The following PTGFR variants were observed in gnomAD, a reference collection of about 807,000 sequenced individuals.
The protein encoded by PTGFR is prostaglandin F2-alpha receptor.
A neutral mutation model predicts 26.2 loss-of-function variants in PTGFR; 15 were observed. The observed-to-expected ratio is 0.57, with a 90% confidence interval of 0.38 to 0.88. The LOEUF (loss-of-function observed/expected upper bound fraction) is 0.88. Among genes scored for constraint, PTGFR ranks in the 40% least tolerant of loss-of-function variants. The pLI, the probability that PTGFR is intolerant of heterozygous loss-of-function variation, is 0.00. For missense variants in PTGFR, 369 were observed against 427.2 expected (o/e 0.86, Z 1.20); for synonymous variants, 165 against 151.1 (o/e 1.09, Z -0.68).
intron 1 of PTGFR, among the ~76,000 whole-genome samples, chr1:78,492,159 A>G (rs1649417739): frequency 6.6e-6 from 1 of 152,232 alleles, no homozygotes; most frequent in African/African-American, 2.4e-5. Flanking sequence ...TGCATTTAAC[A>G]TCAATGAACT....
chr1:78,536,883 C>A lies in PTGFR; in HGVS notation c.*196C>A. On this transcript the variant is annotated 3_prime_UTR_variant, in exon 3 of 3. Coordinates refer to ENST00000370757, the MANE Select transcript of PTGFR (RefSeq NM_000959.4). ...ACTGTACATTTTTCACTTGTTTTTG[C>A]CAATGGGAGGTAGACACAATAAAAT... 1 of 619,704 alleles carries A rather than the reference C, an allele frequency of 1.6e-6. No homozygotes were observed. The highest frequency in any genetic ancestry group is 2.6e-6 in the Non-Finnish European group (1 of 380,700). The allele number at this position is 619,704 out of a possible 1,614,324, so 38.4% of individuals were successfully genotyped here.
chr1:78,491,265 T>C (rs1288377284), intron 1 of PTGFR, 29 bp downstream of exon 1: 1 of 152,320 alleles, frequency 6.6e-6, no homozygotes, highest in Non-Finnish European at 1.5e-5. Context: ...CTGATCCCAA[T>C]GCATCGGCTT....
intron 2 of PTGFR, among the ~76,000 whole-genome samples, chr1:78,518,978 G>T (rs538499353): frequency 5.3e-5 from 8 of 152,272 alleles, no homozygotes; most frequent in African/African-American, 1.9e-4. Context: ...TTACTGGGAA[G>T]AAAGGATCAG....
chr1:78,510,654 C>T (rs558792212), intron 2 of PTGFR, among the ~76,000 whole-genome samples: 1 of 152,162 alleles, frequency 6.6e-6, no homozygotes, highest in Non-Finnish European at 1.5e-5. Context: ...CCTGGCCCCC[C>T]CAAATCTCAT....
At position 78,538,402 on chromosome 1, in the gene PTGFR, T is replaced by C. The variant is rs150176323; in HGVS notation, c.*1715T>C. The C allele has an allele frequency of 2.6e-5, 4 of 151,982 alleles. No homozygotes were observed. Among genetic ancestry groups the C allele is most frequent in the Admixed American group, 2.0e-4 (3 of 15,206 alleles). 9.4% of individuals were successfully genotyped at this position (151,982 alleles called of 1,614,324 possible). On this transcript the variant is annotated 3_prime_UTR_variant, in exon 3 of 3. Transcript: ENST00000370757. ...GAGGAGATCTTGCAACATGGCCATG[T>C]GCAAGGCTTTAAGGAGTGAGAGAGA...
At chr1:78,497,617 C>T (rs780049370) in intron 2 of PTGFR, among the ~76,000 whole-genome samples, 14 of 152,234 alleles carry the variant, frequency 9.2e-5, no homozygotes, top group East Asian at 1.9e-4. Flanking sequence ...TAGTGCTATG[C>T]GTAGTTCACC....
At chr1:78,494,924 A>G (rs1649508881) in intron 2 of PTGFR, among the ~76,000 whole-genome samples, 1 of 152,194 alleles carries the variant, frequency 6.6e-6, no homozygotes, top group Non-Finnish European at 1.5e-5. Context: ...GTTCTAATTA[A>G]CGATCCAGAT....
chr1:78,506,788 GAGTC>G (rs906209013), intron 2 of PTGFR, among the ~76,000 whole-genome samples: 5 of 151,958 alleles, frequency 3.3e-5, no homozygotes, highest in African/African-American at 1.2e-4. Flanking sequence ...CTGTATCCTG[GAGTC>G]AGTCTCTGTT....
At chr1:78,531,999 A>G (rs1001721312) in intron 2 of PTGFR, among the ~76,000 whole-genome samples, 2 of 152,072 alleles carry the variant, frequency 1.3e-5, no homozygotes, top group African/African-American at 4.8e-5. Flanking sequence ...ACTCAGCTAC[A>G]GAGAGATCAA....
At chr1:78,497,584 C>T (rs1053554799) in intron 2 of PTGFR, among the ~76,000 whole-genome samples, 1 of 152,118 alleles carries the variant, frequency 6.6e-6, no homozygotes, top group Admixed American at 6.5e-5. Flanking sequence ...CTAGAATATG[C>T]AAGCCTAAAA....
rs1650662364 is a variant in PTGFR, at chr1:78,536,614, G to A, written c.1007G>A (p.Ser336Asn). Reference sequence around the variant, plus strand: ...ATCAGCTTACATATTTGGGAGCTTAGTTCCATTAAAAATTCCTTAAAGGTT... The same window carrying A: ...ATCAGCTTACATATTTGGGAGCTTAATTCCATTAAAAATTCCTTAAAGGTT... ...HVISLHIWEL[S>N]SIKNSLKVAA... The change falls in exon 3 of 3, where the codon AGT (serine) becomes AAT (asparagine). Residue 336 changes from serine (S) to asparagine (N), a missense_variant. Physicochemically the swap from Ser to Asn is conservative, Grantham distance 46 (BLOSUM62 1). Coordinates refer to ENST00000370757, the MANE Select transcript of PTGFR (RefSeq NM_000959.4). The A allele has an allele frequency of 1.2e-6, 2 of 1,613,176 alleles. No homozygotes were observed. Among genetic ancestry groups the A allele is most frequent in the Non-Finnish European group, 8.5e-7 (1 of 1,179,568 alleles).
chr1:78,524,471 T>C (rs910738820), intron 2 of PTGFR, among the ~76,000 whole-genome samples: 2 of 152,106 alleles, frequency 1.3e-5, no homozygotes, highest in African/African-American at 4.8e-5. Flanking sequence ...TGTTTAGTTA[T>C]GTAAGTCAGC....
chr1:78,534,360 C>G (rs1650594624), intron 2 of PTGFR, among the ~76,000 whole-genome samples: 1 of 152,086 alleles, frequency 6.6e-6, no homozygotes, highest in Non-Finnish European at 1.5e-5. Context: ...TGTTCTGACC[C>G]CAGCTCCCAC....
chr1:78,503,737 T>C (rs1378895967), intron 2 of PTGFR, among the ~76,000 whole-genome samples: 1 of 152,240 alleles, frequency 6.6e-6, no homozygotes, highest in African/African-American at 2.4e-5. Context: ...TGTATTTTTC[T>C]GGCTTTGCTT....
At chr1:78,511,354 C>T (rs1364386775) in intron 2 of PTGFR, among the ~76,000 whole-genome samples, 3 of 152,236 alleles carry the variant, frequency 2.0e-5, no homozygotes, top group African/African-American at 7.2e-5. Context: ...AAACCTCCTT[C>T]ACTTCTGCAT....
rs1215703631 is a variant in PTGFR, at chr1:78,540,430, G to C, written c.*3743G>C. Among the ~76,000 whole-genome samples, 1 of 152,058 alleles carries C rather than the reference G, an allele frequency of 6.6e-6. No homozygotes were observed. Among genetic ancestry groups the C allele is most frequent in the Non-Finnish European group, 1.5e-5 (1 of 67,992 alleles). ...TAAACAGAAACGATTTTTAAAAGTT[G>C]TTTTAAACATTTAGAAACATCATGG... On this transcript the variant is annotated 3_prime_UTR_variant, in exon 3 of 3. Coordinates refer to ENST00000370757, the MANE Select transcript of PTGFR (RefSeq NM_000959.4).
At chr1:78,535,849 G>T (rs372270484) in intron 2 of PTGFR, among the ~76,000 whole-genome samples, 3 of 152,088 alleles carry the variant, frequency 2.0e-5, no homozygotes, top group South Asian at 2.1e-4. Flanking sequence ...ATACTTTTTG[G>T]AATGTTTTAG....
At chr1:78,521,662 C>G (rs958223280) in intron 2 of PTGFR, among the ~76,000 whole-genome samples, 3 of 151,972 alleles carry the variant, frequency 2.0e-5, no homozygotes, top group East Asian at 3.9e-4. Context: ...AAGTTTATCT[C>G]TTTTCTCCTG....
intron 2 of PTGFR, chr1:78,497,996 A>G (rs1313959885): frequency 1.5e-6 from 2 of 1,359,356 alleles, no homozygotes; most frequent in Admixed American, 1.8e-5. Flanking sequence ...TTGGAGCTTG[A>G]TTTTCCTAAG....
Sources: allele counts gnomAD v4.1 joint callset (sites outside exome capture counted in the v4.1 genomes callset), GRCh38; gene constraint gnomAD v4.1.1; transcripts MANE v1.5; gene names NCBI Gene and HGNC (gene_info 2026-07-23, HGNC 2026-07-21).